PTGIS: variants seen among roughly 807,000 people sequenced by gnomAD.
The protein encoded by PTGIS is prostaglandin I2 synthase, also known as prostacyclin synthase.
In PTGIS, 45 loss-of-function variants were observed where a neutral mutation model predicts 50.3. That is an observed-to-expected ratio of 0.90 (90% CI 0.70 to 1.15). The LOEUF is 1.15. PTGIS is among the 50% of genes most tolerant of loss of function. The probability of loss-of-function intolerance (pLI) is 0.00; values close to 1 mark genes in which losing one functional copy is unlikely to be tolerated. For missense variants in PTGIS, 668 were observed against 661.3 expected (o/e 1.01, Z -0.11); for synonymous variants, 260 against 267.7 (o/e 0.97, Z 0.28).
chr20:49,543,328 C>T (rs1982278000), intron 4 of PTGIS, among the ~76,000 whole-genome samples: 1 of 152,152 alleles, frequency 6.6e-6, no homozygotes, highest in Non-Finnish European at 1.5e-5. Flanking sequence ...CTAGGTCCTC[C>T]TGCCTCCCTC....
At chr20:49,551,235 A>C (rs1982499566) in intron 1 of PTGIS, among the ~76,000 whole-genome samples, 1 of 152,058 alleles carries the variant, frequency 6.6e-6, no homozygotes, top group Non-Finnish European at 1.5e-5. Flanking sequence ...TTTAACCTGA[A>C]AGACTGGTTC....
intron 6 of PTGIS, among the ~76,000 whole-genome samples, chr20:49,514,690 G>C (rs1981429206): frequency 7.2e-6 from 1 of 139,542 alleles, no homozygotes; most frequent in South Asian, 2.1e-4. Flanking sequence ...GTCAGTAATA[G>C]GAACAGGGTA....
intron 4 of PTGIS, among the ~76,000 whole-genome samples, chr20:49,542,535 G>A (rs1427347795): frequency 6.6e-6 from 1 of 152,180 alleles, no homozygotes; most frequent in East Asian, 1.9e-4. Context: ...CCCTGAGCCT[G>A]CCTCTCCCCA....
intron 9 of PTGIS, among the ~76,000 whole-genome samples, chr20:49,508,972 C>T (rs781614963): frequency 3.3e-5 from 5 of 152,202 alleles, no homozygotes; most frequent in African/African-American, 1.2e-4. Context: ...CCAACCCAGG[C>T]GCCCGATGCA....
intron 6 of PTGIS, among the ~76,000 whole-genome samples, chr20:49,515,686 A>G (rs1179207989): frequency 6.6e-6 from 1 of 152,228 alleles, no homozygotes; most frequent in Non-Finnish European, 1.5e-5. Flanking sequence ...TAAGAGATCA[A>G]TGAGATCAAT....
intron 9 of PTGIS, among the ~76,000 whole-genome samples, chr20:49,508,452 C>G (rs766250503): frequency 6.6e-6 from 1 of 152,194 alleles, no homozygotes; most frequent in Non-Finnish European, 1.5e-5. Context: ...TGGGGAAGCC[C>G]TCCAATCCCA....
chr20:49,563,229 G>A lies in PTGIS; in HGVS notation c.74+4814C>T, dbSNP rs186590067. 2.5e-3 allele frequency among the ~76,000 whole-genome samples: 384 copies of A among 152,268 alleles called. 6 individuals are homozygous for A. Among genetic ancestry groups the A allele is most frequent in the Non-Finnish European group, 1.6e-3 (112 of 68,016 alleles). On this transcript the variant is annotated intron_variant, in intron 1 of 9. Transcript: ENST00000244043. ...GTGAGCTGGAGCAACCCAAAATTCTGTTTAACCTGCTTAACCCATTCTTCC... is the reference window on the plus strand; with the variant it reads ...GTGAGCTGGAGCAACCCAAAATTCTATTTAACCTGCTTAACCCATTCTTCC...
chr20:49,547,534 G>A (rs907284261), intron 3 of PTGIS, among the ~76,000 whole-genome samples: 10 of 152,086 alleles, frequency 6.6e-5, no homozygotes, highest in Non-Finnish European at 1.2e-4. Context: ...AGGGAGTGAT[G>A]GGGCTGGGAT....
chr20:49,525,583 CTT>C (rs66940862), intron 5 of PTGIS, among the ~76,000 whole-genome samples: 3 of 145,526 alleles, frequency 2.1e-5, no homozygotes, highest in Middle Eastern at 3.3e-3. Flanking sequence ...TTTTCTACTT[CTT>C]TTTTTTTTTT....
rs1982349613 is a variant in PTGIS, at chr20:49,546,044, A to G, written c.378-1596T>C. ...GCTCATGACTCATGTATGACAATGC[A>G]TGTGAAGGGTTCCGCACGGTGCCTG... On this transcript the variant is annotated intron_variant, in intron 3 of 9. Coordinates refer to ENST00000244043, the MANE Select transcript of PTGIS (RefSeq NM_000961.4). Among the ~76,000 whole-genome samples the G allele has an allele frequency of 2.0e-5, 3 of 152,164 alleles. No homozygotes were observed. In the South Asian group the frequency reaches 6.2e-4, roughly 32 times the overall value.
At chr20:49,511,615 A>G (rs1981322344) in intron 8 of PTGIS, among the ~76,000 whole-genome samples, 1 of 152,228 alleles carries the variant, frequency 6.6e-6, no homozygotes, top group Non-Finnish European at 1.5e-5. Context: ...ATATTCTATG[A>G]TATATATTAC....
Position 49,539,676 on chromosome 20 carries a change from G to A in PTGIS, c.567C>T (p.Thr189=), listed in dbSNP as rs760920085. ...TLYGIEALPR[T]HESQAQDRVH... ...CGCGGTCCTGGGCCTGGCTTTCATGGGTGCGTGGCAGCGCCTCAATTCCGT... is the reference window on the plus strand; with the variant it reads ...CGCGGTCCTGGGCCTGGCTTTCATGAGTGCGTGGCAGCGCCTCAATTCCGT... The change falls in exon 5 of 10, where the codon ACC becomes ACT. Residue 189 remains threonine, a synonymous_variant. Transcript: ENST00000244043. The A allele has an allele frequency of 3.1e-6, 5 of 1,613,722 alleles. No homozygotes were observed. In the African/African-American group the frequency reaches 5.3e-5, roughly 17 times the overall value.
chr20:49,556,119 G>A (rs897176967), intron 1 of PTGIS, among the ~76,000 whole-genome samples: 9 of 152,098 alleles, frequency 5.9e-5, no homozygotes, highest in Admixed American at 5.9e-4. Context: ...ATTCAGTAAA[G>A]TATACTCTCA....
chr20:49,543,532 C>T (rs1982282570), intron 4 of PTGIS, among the ~76,000 whole-genome samples: 1 of 152,190 alleles, frequency 6.6e-6, no homozygotes, highest in African/African-American at 2.4e-5. Flanking sequence ...ACCTCCTGTC[C>T]ACCTTCCCTC....
At chr20:49,523,911 T>G in intron 6 of PTGIS, 147 bp downstream of exon 6, 1 of 1,047,280 alleles carries the variant, frequency 9.5e-7, no homozygotes, top group South Asian at 1.4e-5. Flanking sequence ...CAGCACACAC[T>G]CACAAATGCA....
At chr20:49,555,818 GC>G (rs1982612201) in intron 1 of PTGIS, among the ~76,000 whole-genome samples, 1 of 152,128 alleles carries the variant, frequency 6.6e-6, no homozygotes, top group African/African-American at 2.4e-5. Flanking sequence ...TTTATAATCA[GC>G]TATAGAACTC....
rs534931757 is a variant in PTGIS, at chr20:49,554,388, A to T, written c.75-4199T>A. Among the ~76,000 whole-genome samples, 424 of 152,320 alleles carry T rather than the reference A, an allele frequency of 2.8e-3. 4 individuals carry two copies. The highest frequency in any genetic ancestry group is 9.5e-3 in the African/African-American group (396 of 41,568). ...TGCCTAGGAAAGCTGATATAAAAAA[A>T]TTTTTAATGAAGGTTATTACATCCT... On this transcript the variant is annotated intron_variant, in intron 1 of 9. Coordinates refer to ENST00000244043, the MANE Select transcript of PTGIS (RefSeq NM_000961.4).
At position 49,547,924 on chromosome 20, in the gene PTGIS, G is replaced by A; in HGVS notation, c.294C>T (p.Ala98=). The A allele has an allele frequency of 6.2e-7, 1 of 1,614,170 alleles. No individual in the cohort carries two copies. Among genetic ancestry groups the A allele is most frequent in the Non-Finnish European group, 8.5e-7 (1 of 1,180,018 alleles). ...TCCTCTCCATGAGGAAGATGGCATA[G>A]GCATGGAAGTCGAGCCTGGTGCGAG... ...WEPRTRLDFH[A]YAIFLMERIF... The change falls in exon 3 of 10, where the codon GCC becomes GCT. Residue 98 remains alanine (A), a synonymous_variant. Transcript: ENST00000244043.
At chr20:49,563,697 G>A (rs1413318995) in intron 1 of PTGIS, among the ~76,000 whole-genome samples, 1 of 152,220 alleles carries the variant, frequency 6.6e-6, no homozygotes, top group African/African-American at 2.4e-5. Context: ...CCACTGTTGG[G>A]TGACCTCTGG....
Sources: allele counts gnomAD v4.1 joint callset (sites outside exome capture counted in the v4.1 genomes callset), GRCh38; gene constraint gnomAD v4.1.1; transcripts MANE v1.5; gene names NCBI Gene and HGNC (gene_info 2026-07-23, HGNC 2026-07-21).